ENPP6: variants seen among roughly 807,000 people sequenced by gnomAD.
ENPP6 encodes glycerophosphocholine cholinephosphodiesterase ENPP6.
Under a neutral mutation model 42.0 loss-of-function variants are expected in ENPP6, and 32 were observed. The observed-to-expected ratio is 0.76, with a 90% CI of 0.58 to 1.02. ENPP6 has a LOEUF of 1.02. ENPP6 is among the 50% of genes least tolerant of loss of function. The pLI, the probability that ENPP6 is intolerant of heterozygous loss-of-function variation, is 0.00. For synonymous variants in ENPP6, 213 were observed against 216.0 expected, an observed-to-expected ratio of 0.99 and a Z score of 0.12; for missense variants, 552 against 566.8, an observed-to-expected ratio of 0.97 and a Z score of 0.27.
chr4:184,115,577 C>T (rs1000126306), intron 5 of ENPP6, among the ~76,000 whole-genome samples: 5 of 152,122 alleles, frequency 3.3e-5, no homozygotes, highest in African/African-American at 1.2e-4. Flanking sequence ...TCATGGTCAC[C>T]GACACATACA....
At chr4:184,127,644 C>G (rs1367977496) in intron 2 of ENPP6, among the ~76,000 whole-genome samples, 2 of 152,138 alleles carry the variant, frequency 1.3e-5, no homozygotes, top group African/African-American at 4.8e-5. Flanking sequence ...GTATTCCCAG[C>G]TACTTGGGAG....
At chr4:184,120,016 G>T in intron 3 of ENPP6, among the ~76,000 whole-genome samples, 1 of 152,156 alleles carries the variant, frequency 6.6e-6, no homozygotes, top group East Asian at 1.9e-4. Context: ...ACTACTCAAA[G>T]GGTAACATGG....
chr4:184,108,478 T>A (rs1056724372), intron 6 of ENPP6, among the ~76,000 whole-genome samples: 1 of 152,250 alleles, frequency 6.6e-6, no homozygotes, highest in Non-Finnish European at 1.5e-5. Flanking sequence ...ATGGGGTTTT[T>A]AATTCTCTGC....
chr4:184,169,141 T>A (rs904220830), intron 1 of ENPP6, among the ~76,000 whole-genome samples: 5 of 152,196 alleles, frequency 3.3e-5, no homozygotes, highest in African/African-American at 1.2e-4. Context: ...GCGAAATTCC[T>A]CCTGCGCCCT....
At chr4:184,157,292 C>T (rs998665516) in intron 1 of ENPP6, among the ~76,000 whole-genome samples, 7 of 152,202 alleles carry the variant, frequency 4.6e-5, no homozygotes, top group South Asian at 2.1e-4. Flanking sequence ...GGAGCCCAAT[C>T]TCTCTCCCAC....
intron 2 of ENPP6, among the ~76,000 whole-genome samples, chr4:184,144,251 G>A (rs1221154035): frequency 1.3e-5 from 2 of 152,166 alleles, no homozygotes; most frequent in African/African-American, 4.8e-5. Flanking sequence ...AGCCCTCTTC[G>A]TTACTTTGCC....
rs182783082 is a variant in ENPP6, at chr4:184,159,546, C to T, written c.242-5813G>A. Among the ~76,000 whole-genome samples the T allele has an allele frequency of 1.8e-3, 269 of 152,312 alleles. 1 individual carries two copies. Among genetic ancestry groups the T allele is most frequent in the African/African-American group, 6.2e-3 (256 of 41,568 alleles). On this transcript the variant is annotated intron_variant, in intron 1 of 7. Coordinates refer to ENST00000296741, the MANE Select transcript of ENPP6 (RefSeq NM_153343.4). ...CTAGCAAGGAAGTTTATAGTTTATG[C>T]TACAGTAGCTACAATTAGGGTTGCC... is the stretch of plus-strand genomic sequence containing the variant.
Position 184,117,814 on chromosome 4 carries a change from T to G in ENPP6, c.620A>C (p.Lys207Thr), listed in dbSNP as rs1736345635. The G allele has an allele frequency of 1.9e-6, 3 of 1,614,128 alleles. No homozygotes were observed. In the African/African-American group the frequency reaches 4.0e-5, roughly 22 times the overall value. ...AGTGTCTACAGCCTTGAGGGCATCT[T>G]TCCTCTGCGGAGATGCAGGCCCGTA... ...HHYGPASPQR[K>T]DALKAVDTVL... Residue 207 changes from lysine (K) to threonine (T), a missense_variant, in exon 4 of 8, where the codon AAA becomes ACA. Lys to Thr is a moderately conservative substitution (Grantham distance 78). Transcript: ENST00000296741.
rs1323294136 is a variant in ENPP6, at chr4:184,159,203, G to T, written c.242-5470C>A. On this transcript the variant is annotated intron_variant, in intron 1 of 7. Coordinates refer to ENST00000296741, the MANE Select transcript of ENPP6 (RefSeq NM_153343.4). ...GCTTCAAAAGTTGCAATAACTTATT[G>T]CCCCATTTAATAGATGATTAAAGTT... 2.0e-5 allele frequency among the ~76,000 whole-genome samples: 3 copies of T among 152,118 alleles called. No homozygotes were observed. In the East Asian group the frequency reaches 5.8e-4, roughly 29 times the overall value.
rs28495394 is a variant in ENPP6 at position 184,091,234 on chromosome 4, C to T, written c.1266G>A (p.Pro422=). Residue 422 remains proline, a synonymous_variant, in exon 8 of 8, where the codon CCG becomes CCA. Coordinates refer to ENST00000296741, the MANE Select transcript of ENPP6 (RefSeq NM_153343.4). ...CMLKGRASTA[P]PVWPSHCALA... ...GGGCACAGTGGCTGGGCCAGACAGGCGGGGCAGTGCTGGCGCGGCCCTTCA... is the reference window on the plus strand; with the variant it reads ...GGGCACAGTGGCTGGGCCAGACAGGTGGGGCAGTGCTGGCGCGGCCCTTCA... 0.046 allele frequency: 73,386 copies of T among 1,591,836 alleles called. 4,299 individuals are homozygous for T. Among genetic ancestry groups the T allele is most frequent in the African/African-American group, 0.3 (22,149 of 74,804 alleles).
At chr4:184,126,620 C>T (rs1379709939) in intron 2 of ENPP6, among the ~76,000 whole-genome samples, 1 of 152,194 alleles carries the variant, frequency 6.6e-6, no homozygotes, top group African/African-American at 2.4e-5. Context: ...GATCTTCCAA[C>T]TTGCAGAAAG....
chr4:184,111,989 A>G (rs1156784790), intron 6 of ENPP6, among the ~76,000 whole-genome samples: 1 of 152,170 alleles, frequency 6.6e-6, no homozygotes, highest in Non-Finnish European at 1.5e-5. Flanking sequence ...ATTACTTTTG[A>G]ACCAAGCTAA....
At chr4:184,192,406 TGCGGG>T (rs1226502305) in intron 1 of ENPP6, among the ~76,000 whole-genome samples, 1 of 152,188 alleles carries the variant, frequency 6.6e-6, no homozygotes, top group African/African-American at 2.4e-5. Flanking sequence ...TCACAAATAG[TGCGGG>T]GACAACTACC....
intron 6 of ENPP6, among the ~76,000 whole-genome samples, chr4:184,102,279 C>T (rs1736016539): frequency 1.3e-5 from 2 of 152,006 alleles, no homozygotes. Context: ...CTCAGAAATG[C>T]GAGGCTGCGC....
At chr4:184,117,179 C>CAGTT in intron 4 of ENPP6, 144 bp from the exon 5 acceptor site, 1 of 957,738 alleles carries the variant, frequency 1.0e-6, no homozygotes, top group Non-Finnish European at 1.5e-6. Flanking sequence ...TGGTGAGACC[C>CAGTT]AGTTCAAAAC....
chr4:184,124,204 T>C lies in ENPP6; in HGVS notation c.490A>G (p.Ile164Val). 1 of 1,614,074 alleles carries C rather than the reference T, an allele frequency of 6.2e-7. No homozygotes were observed. Among genetic ancestry groups the C allele is most frequent in the South Asian group, 1.1e-5 (1 of 91,070 alleles). Residue 164 changes from isoleucine (I) to valine (V), a missense_variant, in exon 3 of 8, where the codon ATC becomes GTC. Ile to Val is a conservative substitution (Grantham distance 29). Around this residue, in one of 2 missense-constraint regions of ENPP6, gnomAD observed 545 missense variants for 546.3 expected, o/e 1.00. Coordinates refer to ENST00000296741, the MANE Select transcript of ENPP6 (RefSeq NM_153343.4). ...TCGCTGACTGCATTGGCAAAATTGA[T>C]ATCCGTTGGGACATTTTTATATTCT... is the stretch of plus-strand genomic sequence containing the variant. The part of the protein sequence containing the change: ...CLEYKNVPTD[I>V]NFANAVSDAL...
In ENPP6 at chr4:184,138,456, C is replaced by T. The variant is rs554265013; in HGVS notation, c.422-14184G>A. Among the ~76,000 whole-genome samples the T allele has an allele frequency of 2.0e-5, 3 of 152,318 alleles. No individual in the cohort carries two copies. The East Asian group carries it at 5.8e-4, about 29-fold the overall frequency. On this transcript the variant is annotated intron_variant, in intron 2 of 7. Transcript: ENST00000296741. ...TCTTTTAAGTTCTGTTATTTTGTTA[C>T]TGGATTCACTCACTTTCCAACATTT...
At chr4:184,189,022 C>A (rs911063601) in intron 1 of ENPP6, among the ~76,000 whole-genome samples, 1 of 152,232 alleles carries the variant, frequency 6.6e-6, no homozygotes, top group East Asian at 1.9e-4. Context: ...TGTGACCCAC[C>A]AGGGTGACCA....
chr4:184,128,610 A>G (rs1736543587), intron 2 of ENPP6, among the ~76,000 whole-genome samples: 1 of 150,574 alleles, frequency 6.6e-6, no homozygotes, highest in African/African-American at 2.4e-5. Context: ...AAAAAAACCT[A>G]CACACACAAA....
Sources: allele counts gnomAD v4.1 joint callset (sites outside exome capture counted in the v4.1 genomes callset), GRCh38; gene constraint gnomAD v4.1.1; regional missense constraint gnomAD v4.1.1; transcripts MANE v1.5; gene names NCBI Gene and HGNC (gene_info 2026-07-23, HGNC 2026-07-21).